PDSS2: variants seen among roughly 807,000 people sequenced by gnomAD.
PDSS2 encodes the protein all trans-polyprenyl-diphosphate synthase PDSS2.
PDSS2 carries 31 observed loss-of-function variants against 44.5 expected under a neutral mutation model. That is an observed-to-expected ratio of 0.70 (90% CI 0.52 to 0.94). The LOEUF (loss-of-function observed/expected upper bound fraction) is 0.94. PDSS2 is among the 40% of genes least tolerant of loss of function. PDSS2 has a pLI of 0.00. For synonymous variants in PDSS2, 157 were observed against 180.3 expected (o/e 0.87, Z 1.03); for missense variants, 452 against 482.2 (o/e 0.94, Z 0.59).
rs200295865 is a variant in PDSS2 at position 107,165,860 on chromosome 6, T to C, written c.1042-11083A>G. 2.0e-5 allele frequency among the ~76,000 whole-genome samples: 3 copies of C among 151,730 alleles called. No individual in the cohort carries two copies. The East Asian group carries it at 5.8e-4, about 29-fold the overall frequency. On this transcript the variant is annotated intron_variant, in intron 7 of 7. Transcript: ENST00000369037. ...TTTCGTTGAGCAGTGGTTTGTAGTT[T>C]TCCTTGAAGAGGTCCTTCACATCCC...
At chr6:107,318,889 G>C (rs539218976) in intron 2 of PDSS2, among the ~76,000 whole-genome samples, 97 of 152,254 alleles carry the variant, frequency 6.4e-4, no homozygotes, top group Admixed American at 1.7e-3. Flanking sequence ...TTGGGAGGCT[G>C]AGGCAGGAGA....
chr6:107,454,208 G>A (rs990136955), intron 1 of PDSS2, among the ~76,000 whole-genome samples: 13 of 150,494 alleles, frequency 8.6e-5, no homozygotes, highest in African/African-American at 2.7e-4. Flanking sequence ...CCAGCAACCC[G>A]GATAATTTTT....
At chr6:107,327,245 T>C (rs1403668169) in intron 2 of PDSS2, among the ~76,000 whole-genome samples, 4 of 152,164 alleles carry the variant, frequency 2.6e-5, no homozygotes, top group African/African-American at 9.7e-5. Context: ...AACATCATCA[T>C]TGCACTGGGT....
In PDSS2 at chr6:107,245,536, G is replaced by A. The variant is rs780954133; in HGVS notation, c.702+12C>T. The A allele has an allele frequency of 2.0e-6, 3 of 1,464,606 alleles. No homozygotes were observed. The South Asian group carries it at 3.6e-5, about 17-fold the overall frequency. The allele number at this position is 1,464,606 out of a possible 1,614,324, so 90.7% of individuals were successfully genotyped here. A position where few individuals can be genotyped will look rare whatever the true frequency, so the allele number is the denominator to read the frequency against. ...TTATAACATAACATTTTATGACTCTGAAATCCTTTACCTTTGAAGTAGAAT... is the reference window on the plus strand; with the variant it reads ...TTATAACATAACATTTTATGACTCTAAAATCCTTTACCTTTGAAGTAGAAT... On this transcript the variant is annotated intron_variant, in intron 4 of 7. Coordinates refer to ENST00000369037, the MANE Select transcript of PDSS2 (RefSeq NM_020381.4).
chr6:107,339,816 C>T (rs1021763400), intron 1 of PDSS2, among the ~76,000 whole-genome samples: 1 of 152,168 alleles, frequency 6.6e-6, no homozygotes, highest in South Asian at 2.1e-4. Flanking sequence ...ACAGGAACTA[C>T]ACCACCCAGG....
chr6:107,316,543 G>A (rs970193747), intron 2 of PDSS2, among the ~76,000 whole-genome samples: 1 of 152,068 alleles, frequency 6.6e-6, no homozygotes, highest in South Asian at 2.1e-4. Context: ...GGATTGTTAG[G>A]TGGTTTTGAG....
intron 2 of PDSS2, among the ~76,000 whole-genome samples, chr6:107,329,438 CAT>C (rs1777646373): frequency 6.6e-6 from 1 of 152,150 alleles, no homozygotes; most frequent in Non-Finnish European, 1.5e-5. Context: ...CCCTGCTTCT[CAT>C]ATATGAGTTT....
rs7759293 is a variant in PDSS2, at chr6:107,163,598, T to C, written c.1042-8821A>G. 4.6e-3 allele frequency among the ~76,000 whole-genome samples: 705 copies of C among 151,632 alleles called. 3 individuals are homozygous for C. The highest frequency in any genetic ancestry group is 8.5e-3 in the Non-Finnish European group (578 of 67,976). ...GTCTATCTTGAAAAGAATGATCTTG[T>C]TCTTTTTTTTTTTTTCTTTTTTGAG... On this transcript the variant is annotated intron_variant, in intron 7 of 7. Transcript: ENST00000369037.
intron 1 of PDSS2, among the ~76,000 whole-genome samples, chr6:107,335,311 C>A (rs530229999): frequency 6.6e-6 from 1 of 152,122 alleles, no homozygotes; most frequent in African/African-American, 2.4e-5. Flanking sequence ...TAGTTTTAAA[C>A]CGGTTTGTGA....
intron 7 of PDSS2, among the ~76,000 whole-genome samples, chr6:107,176,889 G>T (rs1372895131): frequency 6.6e-6 from 1 of 151,946 alleles, no homozygotes; most frequent in Non-Finnish European, 1.5e-5. Context: ...TGACCTAATT[G>T]TTGACAGAAT....
intron 7 of PDSS2, among the ~76,000 whole-genome samples, chr6:107,179,899 A>G (rs1368292432): frequency 6.6e-6 from 1 of 152,210 alleles, no homozygotes; most frequent in African/African-American, 2.4e-5. Flanking sequence ...GATGGCTCAA[A>G]CAGCTTCAAA....
chr6:107,368,696 A>G (rs769276884), intron 1 of PDSS2, among the ~76,000 whole-genome samples: 3 of 152,032 alleles, frequency 2.0e-5, no homozygotes, highest in Non-Finnish European at 2.9e-5. Flanking sequence ...CTCTACAAAA[A>G]ACATACCAGG....
chr6:107,424,809 A>G (rs1433592772), intron 1 of PDSS2, among the ~76,000 whole-genome samples: 2 of 152,250 alleles, frequency 1.3e-5, no homozygotes, highest in Non-Finnish European at 2.9e-5. Flanking sequence ...CTCATGGATT[A>G]ATGAACTGAT....
At chr6:107,212,304 A>C (rs1273253551) in intron 4 of PDSS2, 22 bp from the exon 5 acceptor site, 1 of 1,576,126 alleles carries the variant, frequency 6.3e-7, no homozygotes. Flanking sequence ...ACAAAAGCCA[A>C]GATAAAAAAG....
At chr6:107,307,535 T>C (rs971787092) in intron 2 of PDSS2, among the ~76,000 whole-genome samples, 3 of 152,116 alleles carry the variant, frequency 2.0e-5, no homozygotes, top group Admixed American at 2.0e-4. Flanking sequence ...TTTTTTTTTT[T>C]TTAAACAGGC....
At chr6:107,436,325 G>A (rs1286189914) in intron 1 of PDSS2, among the ~76,000 whole-genome samples, 1 of 152,094 alleles carries the variant, frequency 6.6e-6, no homozygotes, top group African/African-American at 2.4e-5. Context: ...AACATGAGAA[G>A]AGAAATTATC....
At chr6:107,375,786 A>G (rs573538454) in intron 1 of PDSS2, among the ~76,000 whole-genome samples, 9 of 152,222 alleles carry the variant, frequency 5.9e-5, no homozygotes, top group Non-Finnish European at 1.3e-4. Context: ...ATCCTCAAAC[A>G]TATTAACAAA....
At chr6:107,187,828 G>A (rs1430025910) in intron 7 of PDSS2, among the ~76,000 whole-genome samples, 1 of 152,198 alleles carries the variant, frequency 6.6e-6, no homozygotes, top group African/African-American at 2.4e-5. Context: ...GGAGGGTGAT[G>A]CAACCATGAG....
intron 3 of PDSS2, among the ~76,000 whole-genome samples, chr6:107,262,143 C>T (rs989830350): frequency 6.0e-5 from 9 of 150,618 alleles, no homozygotes; most frequent in Non-Finnish European, 1.0e-4. Flanking sequence ...CTCCTGACCT[C>T]GTGATCTGCC....
Sources: allele counts gnomAD v4.1 joint callset (sites outside exome capture counted in the v4.1 genomes callset), GRCh38; gene constraint gnomAD v4.1.1; transcripts MANE v1.5; gene names NCBI Gene and HGNC (gene_info 2026-07-23, HGNC 2026-07-21).